The following OR2L13 variants were observed in gnomAD, a reference collection of about 807,000 sequenced individuals.
OR2L13 encodes the protein olfactory receptor family 2 subfamily L member 13.
OR2L13 carries 14 observed loss-of-function variants against 15.3 expected under a neutral mutation model. That is an observed-to-expected ratio of 0.91 (90% CI 0.60 to 1.43). The LOEUF is 1.43. Ranked by LOEUF, OR2L13 falls within the 40% of genes most tolerant of loss-of-function variation. The pLI, the probability that OR2L13 is intolerant of heterozygous loss-of-function variation, is 0.00. For missense variants in OR2L13, 367 were observed against 387.9 expected (o/e 0.95, Z 0.45); for synonymous variants, 152 against 142.9 (o/e 1.06, Z -0.45).
chr1:248,033,360 G>A, the OR2L13 span, among the ~76,000 whole-genome samples: 1 of 152,110 alleles, frequency 6.6e-6, no homozygotes, highest in Middle Eastern at 3.4e-3. Flanking sequence ...GAGTAAACTT[G>A]GTTTGCTTGC....
chr1:248,027,249 TAATA>T, the OR2L13 span, among the ~76,000 whole-genome samples: 5 of 152,312 alleles, frequency 3.3e-5, no homozygotes, highest in East Asian at 9.6e-4. Context: ...AATTCCTGCC[TAATA>T]AATTTTGTTC....
the OR2L13 span, among the ~76,000 whole-genome samples, chr1:248,069,922 T>C: frequency 6.6e-6 from 1 of 152,068 alleles, no homozygotes; most frequent in African/African-American, 2.4e-5. Flanking sequence ...CTAGAAGAGC[T>C]AACTATCCTA....
the OR2L13 span, among the ~76,000 whole-genome samples, chr1:248,068,980 G>C: frequency 1.3e-5 from 2 of 152,194 alleles, no homozygotes; most frequent in Non-Finnish European, 2.9e-5. Context: ...TATGTGAAAA[G>C]ACCAAATCTA....
At chr1:248,012,994 G>T in the OR2L13 span, among the ~76,000 whole-genome samples, 1 of 151,574 alleles carries the variant, frequency 6.6e-6, no homozygotes, top group Admixed American at 6.6e-5. Context: ...TTATACCACA[G>T]TCAGTAGTAA....
the OR2L13 span, chr1:247,949,634 A>G: frequency 1.1e-5 from 17 of 1,613,888 alleles, no homozygotes; most frequent in Non-Finnish European, 1.4e-5. Flanking sequence ...ACACTTATCT[A>G]CGTCCAAGAT....
the OR2L13 span, chr1:248,038,554 G>A: frequency 9.5e-4 from 1,533 of 1,614,176 alleles, 14 homozygotes; most frequent in African/African-American, 0.017. Flanking sequence ...TTCACTGGAT[G>A]TGGGATTCAG....
At chr1:248,046,297 T>G in the OR2L13 span, among the ~76,000 whole-genome samples, 1 of 152,210 alleles carries the variant, frequency 6.6e-6, no homozygotes, top group African/African-American at 2.4e-5. Context: ...GTATGCGATA[T>G]TTTAATAATT....
At chr1:247,984,736 A>T in the OR2L13 span, among the ~76,000 whole-genome samples, 17 of 152,334 alleles carry the variant, frequency 1.1e-4, 1 homozygote, top group South Asian at 2.1e-3. Context: ...AAATATGCAT[A>T]AGGTAAACTG....
chr1:248,033,614 T>G, the OR2L13 span, among the ~76,000 whole-genome samples: 1 of 151,876 alleles, frequency 6.6e-6, no homozygotes, highest in African/African-American at 2.4e-5. Flanking sequence ...TTTTTGTTTT[T>G]TTTTTTTTGT....
At chr1:247,990,857 C>T in the OR2L13 span, 1,166 of 1,547,652 alleles carry the variant, frequency 7.5e-4, 10 homozygotes, top group African/African-American at 0.012. Context: ...TATGAGTGCA[C>T]GGTGTTTTTG....
chr1:247,976,101 T>C, the OR2L13 span, among the ~76,000 whole-genome samples: 1 of 152,188 alleles, frequency 6.6e-6, no homozygotes. Context: ...AGTAATGATT[T>C]ATTAATAAAT....
the OR2L13 span, among the ~76,000 whole-genome samples, chr1:247,950,635 A>G: frequency 2.0e-5 from 3 of 152,182 alleles, no homozygotes; most frequent in African/African-American, 4.8e-5. Flanking sequence ...ATATCATTTA[A>G]CTATGTCAGG....
At chr1:247,968,086 G>A in the OR2L13 span, among the ~76,000 whole-genome samples, 26,736 of 151,986 alleles carry the variant, frequency 0.18, 3,934 homozygotes, top group African/African-American at 0.4. Context: ...AAACGTTTGT[G>A]TGTAAAAAGC....
exon 3 of OR2L13, chr1:248,100,321 C>CAT: frequency 6.6e-7 from 1 of 1,512,774 alleles, no homozygotes; most frequent in Non-Finnish European, 9.2e-7. Flanking sequence ...ATAATCATGG[C>CAT]CATCCCCACT....
the OR2L13 span, among the ~76,000 whole-genome samples, chr1:247,937,714 A>AC: frequency 5.9e-5 from 9 of 152,298 alleles, no homozygotes; most frequent in South Asian, 1.9e-3. Flanking sequence ...TGCCGCTGGG[A>AC]CCCACTCCCC....
At chr1:248,005,622 G>C in the OR2L13 span, among the ~76,000 whole-genome samples, 6 of 152,116 alleles carry the variant, frequency 3.9e-5, no homozygotes, top group African/African-American at 1.4e-4. Context: ...CATTGAATCT[G>C]TAGTTTGGTT....
At chr1:248,073,494 GA>G in the OR2L13 span, among the ~76,000 whole-genome samples, 1 of 151,834 alleles carries the variant, frequency 6.6e-6, no homozygotes, top group East Asian at 1.9e-4. Context: ...GGGGAGCGGG[GA>G]GGGATAGCAT....
chr1:247,967,045 C>CACACACACACACACACACACACA, the OR2L13 span, among the ~76,000 whole-genome samples: 1 of 147,410 alleles, frequency 6.8e-6, no homozygotes, highest in African/African-American at 2.5e-5. Flanking sequence ...ACACCACACA[C>CACACACACACACACACACACACA]CACACACACA....
At chr1:248,039,465 G>T in the OR2L13 span, 2 of 280,698 alleles carry the variant, frequency 7.1e-6, no homozygotes, top group Admixed American at 4.8e-5. Flanking sequence ...TTGTTGCCCA[G>T]GCTCTAATGC....
Sources: gnomAD v4.1 joint callset for allele counts (sites outside exome capture counted in the v4.1 genomes callset) on GRCh38, gnomAD v4.1.1 for gene constraint, MANE v1.5 for transcripts, NCBI Gene and HGNC (gene_info 2026-07-23, HGNC 2026-07-21) for gene names.